The following CSMD1 variants were observed in gnomAD, a reference collection of about 807,000 sequenced individuals.
The protein encoded by CSMD1 is CUB and sushi domain-containing protein 1.
CSMD1 carries 213 observed loss-of-function variants against 417.5 expected under a neutral mutation model. The ratio of observed to expected loss-of-function variants is 0.51; its 90% confidence interval spans 0.46 to 0.57. The LOEUF (loss-of-function observed/expected upper bound fraction) is 0.57. CSMD1 is among the 20% of genes least tolerant of loss of function. The pLI, the probability that CSMD1 is intolerant of heterozygous loss-of-function variation, is 0.00. For synonymous variants in CSMD1, 2,862 were observed against 1,736.8 expected, an observed-to-expected ratio of 1.65 and a Z score of -16.11; for missense variants, 6,923 against 4,529.7, an observed-to-expected ratio of 1.53 and a Z score of -15.17.
rs989355864 is a variant in CSMD1 at position 4,226,138 on chromosome 8, G to C, written c.415+193815C>G. Among the ~76,000 whole-genome samples the C allele has an allele frequency of 2.0e-5, 3 of 151,678 alleles. No homozygotes were observed. In the East Asian group the frequency reaches 5.8e-4, roughly 29 times the overall value. Reference sequence around the variant, plus strand: ...CACACATACACACTTGCTAGCATGAGAGTTTCATTTTTCTGTTACTTGGCA... The same window carrying C: ...CACACATACACACTTGCTAGCATGACAGTTTCATTTTTCTGTTACTTGGCA... On this transcript the variant is annotated intron_variant, in intron 3 of 69. Coordinates refer to ENST00000635120, the MANE Select transcript of CSMD1 (RefSeq NM_033225.6).
intron 49 of CSMD1, among the ~76,000 whole-genome samples, chr8:3,060,622 T>C (rs1284290356): frequency 6.6e-6 from 1 of 152,252 alleles, no homozygotes; most frequent in Non-Finnish European, 1.5e-5. Context: ...CTTAAATTCA[T>C]GTTTCACTTT....
At chr8:3,334,097 C>T (rs1303502391) in intron 23 of CSMD1, among the ~76,000 whole-genome samples, 2 of 152,168 alleles carry the variant, frequency 1.3e-5, no homozygotes, top group African/African-American at 4.8e-5. Flanking sequence ...ATGAGACGCA[C>T]ACAGAGTGTC....
rs553523653 is a variant in CSMD1, at chr8:4,400,259, G to A, written c.415+19694C>T. Among the ~76,000 whole-genome samples the A allele has an allele frequency of 9.9e-5, 15 of 152,264 alleles. No homozygotes were observed. The South Asian group carries it at 3.1e-3, about 32-fold the overall frequency. On this transcript the variant is annotated intron_variant, in intron 3 of 69. Coordinates refer to ENST00000635120, the MANE Select transcript of CSMD1 (RefSeq NM_033225.6). ...GACATGGAAGAAGTTCTGGCTCTCT[G>A]GTTTAATGAATTAAAATAAGTAAGA...
At chr8:4,249,560 G>A (rs1802925755) in intron 3 of CSMD1, among the ~76,000 whole-genome samples, 1 of 152,160 alleles carries the variant, frequency 6.6e-6, no homozygotes, top group Admixed American at 6.5e-5. Flanking sequence ...CTGAGGAGCG[G>A]ATCTAACCAT....
chr8:4,798,063 G>T (rs1270300278), intron 1 of CSMD1, among the ~76,000 whole-genome samples: 2 of 152,194 alleles, frequency 1.3e-5, no homozygotes, highest in Non-Finnish European at 2.9e-5. Context: ...CGCACAACGT[G>T]CAGGTTTCTT....
intron 2 of CSMD1, among the ~76,000 whole-genome samples, chr8:4,569,463 G>A (rs879660083): frequency 6.6e-6 from 1 of 152,088 alleles, no homozygotes; most frequent in Non-Finnish European, 1.5e-5. Context: ...TAGATGTGTG[G>A]TGTTATTTCT....
intron 3 of CSMD1, among the ~76,000 whole-genome samples, chr8:4,272,938 G>A (rs62481989): frequency 3.9e-3 from 593 of 152,234 alleles, no homozygotes; most frequent in Non-Finnish European, 6.4e-3. Flanking sequence ...TGTAAGAAAG[G>A]AAATTAGTTC....
chr8:3,755,599 G>A (rs1440461735), intron 5 of CSMD1, among the ~76,000 whole-genome samples: 7 of 152,116 alleles, frequency 4.6e-5, no homozygotes, highest in East Asian at 3.9e-4. Context: ...GATTTCCTAC[G>A]AAATGGGTCA....
chr8:4,966,209 CAAAAAAAA>C (rs33941630), intron 1 of CSMD1, among the ~76,000 whole-genome samples: 3 of 89,138 alleles, frequency 3.4e-5, no homozygotes, highest in African/African-American at 1.2e-4. Flanking sequence ...ACTAAATATA[CAAAAAAAA>C]AAAAAAAAAA....
chr8:2,947,244 T>C (rs545030218), intron 68 of CSMD1, among the ~76,000 whole-genome samples: 1 of 152,326 alleles, frequency 6.6e-6, no homozygotes, highest in South Asian at 2.1e-4. Context: ...AGTTTTTGCA[T>C]TAAATTTGTC....
intron 5 of CSMD1, among the ~76,000 whole-genome samples, chr8:3,891,914 C>G (rs750429783): frequency 2.6e-5 from 4 of 152,242 alleles, no homozygotes; most frequent in South Asian, 2.1e-4. Context: ...ACAAAATTAT[C>G]AGAACACCAA....
At chr8:3,106,214 C>G (rs1178676812) in intron 46 of CSMD1, among the ~76,000 whole-genome samples, 1 of 102,758 alleles carries the variant, frequency 9.7e-6, no homozygotes, top group East Asian at 3.3e-4. Context: ...GTTGAAAACC[C>G]ATTTCTACAA....
chr8:4,839,239 C>A (rs1029153863), intron 1 of CSMD1, among the ~76,000 whole-genome samples: 40 of 152,144 alleles, frequency 2.6e-4, no homozygotes, highest in African/African-American at 9.4e-4. Context: ...TTAATAAAAC[C>A]ACCTAACTTC....
intron 3 of CSMD1, among the ~76,000 whole-genome samples, chr8:4,317,471 T>C (rs1045084736): frequency 4.6e-5 from 7 of 152,180 alleles, no homozygotes; most frequent in Non-Finnish European, 8.8e-5. Context: ...GCTGCCAGTG[T>C]AAGGCATGTA....
chr8:4,430,838 A>C (rs1585062789), intron 2 of CSMD1, among the ~76,000 whole-genome samples: 1 of 152,032 alleles, frequency 6.6e-6, no homozygotes, highest in Non-Finnish European at 1.5e-5. Flanking sequence ...CAAATACTTC[A>C]CTCCAGTGTT....
At chr8:4,204,045 G>A (rs1378697053) in intron 3 of CSMD1, among the ~76,000 whole-genome samples, 1 of 152,164 alleles carries the variant, frequency 6.6e-6, no homozygotes, top group Non-Finnish European at 1.5e-5. Context: ...AAGTTGCGGT[G>A]AGCTGAGATT....
rs751069597 is a variant in CSMD1 at position 3,406,067 on chromosome 8, G to C, written c.2226C>G (p.Asp742Glu). 1.2e-6 allele frequency: 2 copies of C among 1,613,946 alleles called. No homozygotes were observed. The highest frequency in any genetic ancestry group is 1.3e-5 in the African/African-American group (1 of 75,044). ...CGGTGGAGCTCCAGACCACGTTCCC[G>C]TCTTGCAGTATGCAGGTAATGGACT... The part of the protein sequence containing the change: ...GSESITCILQ[D>E]GNVVWSSTVP... Residue 742 changes from aspartate to glutamate, a missense_variant, in exon 15 of 70, where the codon GAC (aspartate) becomes GAG (glutamate). Transcript: ENST00000635120.
At chr8:3,117,236 A>G (rs1359574268) in intron 42 of CSMD1, among the ~76,000 whole-genome samples, 2 of 151,976 alleles carry the variant, frequency 1.3e-5, no homozygotes, top group Non-Finnish European at 2.9e-5. Flanking sequence ...ACGCCCAGCT[A>G]ATTTTTTTGT....
At chr8:3,695,604 A>G (rs1354885795) in intron 7 of CSMD1, among the ~76,000 whole-genome samples, 1 of 152,210 alleles carries the variant, frequency 6.6e-6, no homozygotes, top group Non-Finnish European at 1.5e-5. Flanking sequence ...CTAGAGGAAA[A>G]TGTTCACGTG....
Sources: allele counts gnomAD v4.1 joint callset (sites outside exome capture counted in the v4.1 genomes callset), GRCh38; gene constraint gnomAD v4.1.1; transcripts MANE v1.5; gene names NCBI Gene and HGNC (gene_info 2026-07-23, HGNC 2026-07-21).